WRN: variants seen among roughly 807,000 people sequenced by gnomAD.
WRN encodes WRN RecQ like helicase.
A neutral mutation model predicts 180.7 loss-of-function variants in WRN; 149 were observed. The observed-to-expected ratio is 0.82, with a 90% CI of 0.72 to 0.94. The LOEUF (loss-of-function observed/expected upper bound fraction) is 0.94, where lower values mean the gene tolerates loss of function less well. Ranked by LOEUF, WRN falls within the 40% of genes least tolerant of loss-of-function variation. WRN has a pLI of 0.00. For missense variants in WRN, 1,661 were observed against 1,700.1 expected (o/e 0.98, Z 0.40); for synonymous variants, 548 against 568.9 (o/e 0.96, Z 0.52).
intron 13 of WRN, 70 bp from the exon 14 acceptor site, chr8:31,090,395 A>G: frequency 2.8e-6 from 4 of 1,422,958 alleles, no homozygotes; most frequent in Non-Finnish European, 3.9e-6. Context: ...GAAAAATTGA[A>G]TGGATTTTAA....
chr8:31,162,864 A>G (rs1346674012), intron 33 of WRN, among the ~76,000 whole-genome samples: 1 of 151,842 alleles, frequency 6.6e-6, no homozygotes, highest in Non-Finnish European at 1.5e-5. Flanking sequence ...GTAATAGCAA[A>G]TGGTGGTGGC....
chr8:31,134,666 T>C (rs949199833), intron 24 of WRN, among the ~76,000 whole-genome samples: 1 of 152,242 alleles, frequency 6.6e-6, no homozygotes, highest in African/African-American at 2.4e-5. Flanking sequence ...GTGAAACTTC[T>C]CTTCTGATCA....
Position 31,129,717 on chromosome 8 carries a change from T to C in WRN, c.2826-2648T>C, listed in dbSNP as rs546468118. ...TAGTTACAATGATATACATTAAAAC[T>C]GGTAAGAGGCTGGGTGCGTTGGCTC... On this transcript the variant is annotated intron_variant, in intron 23 of 34. Transcript: ENST00000298139. Among the ~76,000 whole-genome samples, 5 of 152,278 alleles carry C rather than the reference T, an allele frequency of 3.3e-5. No individual in the cohort carries two copies. In the East Asian group the frequency reaches 9.6e-4, roughly 29 times the overall value.
Position 31,048,251 on chromosome 8 carries a change from T to C in WRN, c.-76-10121T>C, listed in dbSNP as rs375173788. Among the ~76,000 whole-genome samples the C allele has an allele frequency of 3.3e-5, 5 of 152,338 alleles. No homozygotes were observed. The East Asian group carries it at 7.7e-4, about 24-fold the overall frequency. ...TTCTGGTTTGTTTGCTTGGTCTGTT[T>C]GGAGGGAAGTTAAGATTAGCAGAAA... On this transcript the variant is annotated intron_variant, in intron 1 of 34. Coordinates refer to ENST00000298139, the MANE Select transcript of WRN (RefSeq NM_000553.6).
chr8:31,054,861 G>A (rs1007778095), intron 1 of WRN, among the ~76,000 whole-genome samples: 6 of 152,206 alleles, frequency 3.9e-5, no homozygotes, highest in Middle Eastern at 3.4e-3. Context: ...ATTAAGCCCC[G>A]CATACATTAG....
At chr8:31,070,896 A>C (rs762597529) in intron 7 of WRN, among the ~76,000 whole-genome samples, 9 of 152,096 alleles carry the variant, frequency 5.9e-5, no homozygotes, top group Non-Finnish European at 1.3e-4. Flanking sequence ...AATACAAAAA[A>C]TTAGCTGAGT....
intron 5 of WRN, among the ~76,000 whole-genome samples, chr8:31,066,538 A>T (rs547186432): frequency 6.6e-6 from 1 of 152,044 alleles, no homozygotes; most frequent in Non-Finnish European, 1.5e-5. Flanking sequence ...TATATTTGCA[A>T]ATGTAAAATT....
chr8:31,151,060 T>C (rs1282946810), intron 31 of WRN, among the ~76,000 whole-genome samples: 2 of 151,970 alleles, frequency 1.3e-5, no homozygotes, highest in African/African-American at 4.8e-5. Context: ...CAGTGGGAGG[T>C]AGAGGGGAGA....
intron 28 of WRN, among the ~76,000 whole-genome samples, chr8:31,144,339 G>GTTT (rs35613465): frequency 0.063 from 9,139 of 144,320 alleles, 383 homozygotes; most frequent in African/African-American, 0.081. Context: ...CTCTAAGTGT[G>GTTT]TTTTTTTTTT....
At position 31,080,716 on chromosome 8, in the gene WRN, G is replaced by A. The variant is rs143721897; in HGVS notation, c.840-151G>A. On this transcript the variant is annotated intron_variant, in intron 8 of 34. Coordinates refer to ENST00000298139, the MANE Select transcript of WRN (RefSeq NM_000553.6). Reference sequence around the variant, plus strand: ...TAGCCTGCAAGCTGTAATTATATATGGGCATTAGGGAATGAAGAACAGCCT... The same window carrying A: ...TAGCCTGCAAGCTGTAATTATATATAGGCATTAGGGAATGAAGAACAGCCT... 1.0e-3 allele frequency: 647 copies of A among 641,560 alleles called. 3 individuals are homozygous for A. The East Asian group carries it at 0.01, about 10-fold the overall frequency. The allele number at this position is 641,560 out of a possible 1,614,324, so 39.7% of individuals were successfully genotyped here.
chr8:31,075,746 A>G (rs959142952), intron 7 of WRN, among the ~76,000 whole-genome samples: 2 of 151,610 alleles, frequency 1.3e-5, no homozygotes, highest in African/African-American at 4.8e-5. Flanking sequence ...AAGGGCTTAC[A>G]TTTTATTTTG....
At position 31,141,484 on chromosome 8, in the gene WRN, A is replaced by C. The variant is rs1157770083; in HGVS notation, c.3022A>C (p.Lys1008Gln). 6.2e-7 allele frequency: 1 copy of C among 1,614,194 alleles called. No homozygotes were observed. The highest frequency in any genetic ancestry group is 1.1e-5 in the South Asian group (1 of 91,074). The change falls in exon 25 of 35, where the codon AAG becomes CAG. Residue 1008 changes from lysine to glutamine, a missense_variant. Physicochemically the swap from Lys to Gln is moderately conservative, Grantham distance 53. Coordinates refer to ENST00000298139, the MANE Select transcript of WRN (RefSeq NM_000553.6). ...YRRHSLFGTG[K>Q]DQTESWWKAF... ...CAGGCACAGTTTATTTGGCACTGGC[A>C]AGGATCAAACAGAGAGTTGGTGGAA... is the stretch of plus-strand genomic sequence containing the variant.
At position 31,064,298 on chromosome 8, in the gene WRN, A is replaced by G. The variant is rs566693857; in HGVS notation, c.219A>G (p.Leu73=). The G allele has an allele frequency of 2.0e-5, 32 of 1,614,088 alleles. No individual in the cohort carries two copies. In the South Asian group the frequency reaches 2.5e-4, roughly 13 times the overall value. The change falls in exon 4 of 35, where the codon CTA becomes CTG. Residue 73 remains leucine, a synonymous_variant. Transcript: ENST00000298139. ...SFLSEDISMS[L]SDGDVVGFDM... ...ATTTTTCTCACTTTAGCATGAGTCTATCAGATGGGGATGTGGTGGGATTTG... is the reference window on the plus strand; with the variant it reads ...ATTTTTCTCACTTTAGCATGAGTCTGTCAGATGGGGATGTGGTGGGATTTG...
chr8:31,107,881 G>A (rs1407373772), intron 18 of WRN, among the ~76,000 whole-genome samples: 3 of 152,118 alleles, frequency 2.0e-5, no homozygotes, highest in Non-Finnish European at 4.4e-5. Flanking sequence ...AAGACATGTG[G>A]GGTTTTTCTA....
At chr8:31,132,265 G>T in intron 23 of WRN, 100 bp from the exon 24 acceptor site, 1 of 1,420,360 alleles carries the variant, frequency 7.0e-7, no homozygotes, top group South Asian at 1.3e-5. Context: ...TGGCACATTT[G>T]AGATATTTTT....
chr8:31,071,702 G>A (rs907003020), intron 7 of WRN, among the ~76,000 whole-genome samples: 4 of 152,034 alleles, frequency 2.6e-5, no homozygotes, highest in Non-Finnish European at 4.4e-5. Context: ...GGCTGGTCTC[G>A]AACTCCTGGT....
At chr8:31,038,415 G>A (rs965849998) in intron 1 of WRN, among the ~76,000 whole-genome samples, 8 of 149,680 alleles carry the variant, frequency 5.3e-5, no homozygotes, top group Admixed American at 2.0e-4. Flanking sequence ...TTTTTTAATT[G>A]AGTTTTTTTT....
chr8:31,120,487 A>G, intron 21 of WRN, 63 bp downstream of exon 21: 1 of 1,509,956 alleles, frequency 6.6e-7, no homozygotes, highest in Non-Finnish European at 9.0e-7. Context: ...ATAAACCTCA[A>G]AAGTGTTTGA....
At chr8:31,053,950 A>C (rs922095056) in intron 1 of WRN, among the ~76,000 whole-genome samples, 1 of 152,242 alleles carries the variant, frequency 6.6e-6, no homozygotes, top group Non-Finnish European at 1.5e-5. Context: ...ATTAAAGAAA[A>C]GGAGAAGCTA....
Sources: allele counts gnomAD v4.1 joint callset (sites outside exome capture counted in the v4.1 genomes callset), GRCh38; gene constraint gnomAD v4.1.1; transcripts MANE v1.5; gene names NCBI Gene and HGNC (gene_info 2026-07-23, HGNC 2026-07-21).